Variants in RBFOX2 observed in about 807,000 individuals in gnomAD.
RBFOX2 encodes RNA binding protein fox-1 homolog 2.
In RBFOX2, 10 loss-of-function variants were observed where a neutral mutation model predicts 49.1. The observed-to-expected ratio is 0.20, with a 90% confidence interval of 0.13 to 0.35. The LOEUF (loss-of-function observed/expected upper bound fraction) is 0.35. Ranked by LOEUF, RBFOX2 falls within the 10% of genes least tolerant of loss-of-function variation. RBFOX2 has a pLI of 1.00. For missense variants in RBFOX2, 323 were observed against 486.9 expected (o/e 0.66, Z 3.17); for synonymous variants, 183 against 187.4 (o/e 0.98, Z 0.19).
intron 1 of RBFOX2, among the ~76,000 whole-genome samples, chr22:35,893,211 C>T (rs1378384276): frequency 6.6e-6 from 1 of 152,196 alleles, no homozygotes; most frequent in African/African-American, 2.4e-5. Flanking sequence ...TCCCAAGCCC[C>T]AGCTGGCTGC....
At chr22:35,976,687 G>A (rs1184975589) in intron 1 of RBFOX2, among the ~76,000 whole-genome samples, 1 of 152,184 alleles carries the variant, frequency 6.6e-6, no homozygotes, top group Non-Finnish European at 1.5e-5. Flanking sequence ...ACCCGGCCAG[G>A]AACAGTGGCT....
chr22:35,908,303 T>C (rs2049353123), intron 1 of RBFOX2, among the ~76,000 whole-genome samples: 1 of 152,206 alleles, frequency 6.6e-6, no homozygotes, highest in African/African-American at 2.4e-5. Context: ...ATTTTGTCCC[T>C]ATAAACTCAT....
intron 1 of RBFOX2, among the ~76,000 whole-genome samples, chr22:35,953,789 T>G (rs775565783): frequency 4.6e-5 from 7 of 152,164 alleles, no homozygotes; most frequent in Non-Finnish European, 8.8e-5. Flanking sequence ...GTGACTACAA[T>G]AAATATAGAC....
chr22:35,936,197 G>A (rs2053045226), intron 1 of RBFOX2, among the ~76,000 whole-genome samples: 1 of 136,034 alleles, frequency 7.4e-6, no homozygotes, highest in South Asian at 2.3e-4. Context: ...GGGTGACAGA[G>A]CAAGACCCTG....
chr22:35,941,044 C>T (rs1453668030), upstream of RBFOX2, among the ~76,000 whole-genome samples: 1 of 152,098 alleles, frequency 6.6e-6, no homozygotes, highest in African/African-American at 2.4e-5. Flanking sequence ...ACCACTGAAA[C>T]ACTAAAAGCA....
At chr22:35,818,102 C>A (rs1312303954) in intron 1 of RBFOX2, among the ~76,000 whole-genome samples, 2 of 152,152 alleles carry the variant, frequency 1.3e-5, no homozygotes, top group Admixed American at 6.5e-5. Context: ...AGAACAAAGT[C>A]ATTCAAACCT....
At chr22:36,018,377 G>A (rs1398076677) in intron 1 of RBFOX2, among the ~76,000 whole-genome samples, 2 of 152,318 alleles carry the variant, frequency 1.3e-5, no homozygotes, top group East Asian at 1.9e-4. Context: ...GGGGGTAGAA[G>A]AGATGAAGCA....
intron 1 of RBFOX2, among the ~76,000 whole-genome samples, chr22:35,988,903 A>C (rs1211867442): frequency 6.6e-6 from 1 of 152,240 alleles, no homozygotes; most frequent in Non-Finnish European, 1.5e-5. Flanking sequence ...GAAATTCCAG[A>C]TAAGGGCTGG....
intron 5 of RBFOX2, among the ~76,000 whole-genome samples, chr22:35,766,459 G>C (rs1014294931): frequency 5.3e-5 from 8 of 151,946 alleles, no homozygotes; most frequent in Admixed American, 5.2e-4. Context: ...GTTATGAAAA[G>C]ACCAATTTTA....
At chr22:36,019,963 A>G (rs1219993436) in intron 1 of RBFOX2, among the ~76,000 whole-genome samples, 2 of 152,190 alleles carry the variant, frequency 1.3e-5, no homozygotes, top group Non-Finnish European at 2.9e-5. Context: ...AAAAGAACAA[A>G]GCTGGGGGCA....
chr22:35,804,005 C>T (rs1463263804), intron 2 of RBFOX2, among the ~76,000 whole-genome samples: 9 of 152,304 alleles, frequency 5.9e-5, no homozygotes, highest in Admixed American at 2.6e-4. Flanking sequence ...GTTGGCTGGG[C>T]GCAGTGGCTC....
At chr22:35,747,208 A>G (rs1933065838) in intron 9 of RBFOX2, 1 of 152,256 alleles carries the variant, frequency 6.6e-6, no homozygotes, top group Admixed American at 6.5e-5. Flanking sequence ...AATGTCCTAC[A>G]AAGCCAAAAA....
chr22:35,772,513 G>A (rs527642508), intron 4 of RBFOX2, among the ~76,000 whole-genome samples: 4 of 152,012 alleles, frequency 2.6e-5, no homozygotes, highest in African/African-American at 4.8e-5. Flanking sequence ...GCACACCTCC[G>A]TTTAAACTCT....
chr22:35,834,629 G>A (rs960383402), intron 1 of RBFOX2, among the ~76,000 whole-genome samples: 1 of 152,154 alleles, frequency 6.6e-6, no homozygotes, highest in African/African-American at 2.4e-5. Flanking sequence ...TTCAAGAGTA[G>A]AACAAACCAT....
intron 1 of RBFOX2, among the ~76,000 whole-genome samples, chr22:35,887,261 T>C (rs1268804627): frequency 2.0e-5 from 3 of 152,134 alleles, no homozygotes; most frequent in Non-Finnish European, 4.4e-5. Flanking sequence ...CTTAAAATCT[T>C]TATTCTCATT....
chr22:35,978,139 T>C (rs2057288589), intron 1 of RBFOX2, among the ~76,000 whole-genome samples: 2 of 151,996 alleles, frequency 1.3e-5, no homozygotes, highest in African/African-American at 4.8e-5. Context: ...GTAAACATAT[T>C]GGGGATAAGG....
chr22:35,914,870 C>A (rs895305004), intron 1 of RBFOX2, among the ~76,000 whole-genome samples: 2 of 152,212 alleles, frequency 1.3e-5, no homozygotes, highest in African/African-American at 4.8e-5. Context: ...AAACTGTTAA[C>A]TTCTGACCTT....
At chr22:35,786,927 C>T (rs996253149) in intron 2 of RBFOX2, among the ~76,000 whole-genome samples, 2 of 152,196 alleles carry the variant, frequency 1.3e-5, no homozygotes, top group Non-Finnish European at 2.9e-5. Flanking sequence ...ACGAACCCCA[C>T]CCCTCTCTTA....
chr22:35,987,012 T>G (rs571845488), intron 1 of RBFOX2, among the ~76,000 whole-genome samples: 8 of 152,108 alleles, frequency 5.3e-5, no homozygotes, highest in Admixed American at 3.3e-4. Context: ...AAAAGAAAGG[T>G]AAACAGTCCA....
Sources: gnomAD v4.1 joint callset for allele counts (sites outside exome capture counted in the v4.1 genomes callset) on GRCh38, gnomAD v4.1.1 for gene constraint, MANE v1.5 for transcripts, NCBI Gene and HGNC (gene_info 2026-07-23, HGNC 2026-07-21) for gene names.